Variants in GPC6 observed in about 807,000 individuals in gnomAD.
GPC6 encodes glypican-6.
In GPC6, 14 loss-of-function variants were observed where a neutral mutation model predicts 55.2. That is an observed-to-expected ratio of 0.25 (90% confidence interval 0.17 to 0.40). GPC6 has a LOEUF of 0.40. Ranked by LOEUF, GPC6 falls within the 10% of genes least tolerant of loss-of-function variation. The pLI is 1.00. For missense variants in GPC6, 641 were observed against 708.5 expected (o/e 0.90, Z 1.08); for synonymous variants, 278 against 259.6 (o/e 1.07, Z -0.68).
intron 3 of GPC6, among the ~76,000 whole-genome samples, chr13:93,982,714 TG>T (rs1403517002): frequency 1.3e-5 from 2 of 152,192 alleles, no homozygotes; most frequent in African/African-American, 4.8e-5. Context: ...TCTCAGCTGG[TG>T]GGTCATAAAA....
rs576757683 is a variant in GPC6, at chr13:94,253,723, G to A, written c.878-32626G>A. Among the ~76,000 whole-genome samples, 29 of 152,054 alleles carry A rather than the reference G, an allele frequency of 1.9e-4. No individual in the cohort carries two copies. The South Asian group carries it at 2.7e-3, about 14-fold the overall frequency. On this transcript the variant is annotated intron_variant, in intron 4 of 8. Transcript: ENST00000377047. Reference sequence around the variant, plus strand: ...TAGTCATATTCCCCCTCCAATCTTCGTACAAAAGAAACCCAAGACTAGATC... The same window carrying A: ...TAGTCATATTCCCCCTCCAATCTTCATACAAAAGAAACCCAAGACTAGATC...
At chr13:93,715,552 C>T (rs1883222648) in intron 2 of GPC6, among the ~76,000 whole-genome samples, 1 of 151,506 alleles carries the variant, frequency 6.6e-6, no homozygotes, top group Non-Finnish European at 1.5e-5. Context: ...ATCATTCATA[C>T]CCCAAACTTC....
At chr13:93,280,374 G>A (rs1475923416) in intron 1 of GPC6, among the ~76,000 whole-genome samples, 1 of 152,102 alleles carries the variant, frequency 6.6e-6, no homozygotes, top group Non-Finnish European at 1.5e-5. Context: ...GCCAAATAAT[G>A]TACCTGGTCA....
chr13:94,397,557 T>G (rs1224296380), intron 7 of GPC6, among the ~76,000 whole-genome samples: 1 of 152,192 alleles, frequency 6.6e-6, no homozygotes, highest in Non-Finnish European at 1.5e-5. Context: ...ATCATTCCAG[T>G]AACCACTGCT....
chr13:93,276,518 G>A (rs74835615), intron 1 of GPC6, among the ~76,000 whole-genome samples: 2 of 144,106 alleles, frequency 1.4e-5, no homozygotes, highest in Non-Finnish European at 3.1e-5. Flanking sequence ...GTGTGTGTGT[G>A]TGTGTGTGTA....
chr13:93,575,709 G>A (rs1876631620), intron 2 of GPC6, among the ~76,000 whole-genome samples: 1 of 152,120 alleles, frequency 6.6e-6, no homozygotes, highest in Non-Finnish European at 1.5e-5. Context: ...TTTGAAAGCT[G>A]TATTTAAGTT....
chr13:94,338,655 A>G (rs962362793), intron 6 of GPC6, among the ~76,000 whole-genome samples: 5 of 152,206 alleles, frequency 3.3e-5, no homozygotes, highest in Admixed American at 1.3e-4. Flanking sequence ...GCCATGAATG[A>G]ATATATTCAT....
At chr13:93,792,350 G>T (rs558160909) in intron 2 of GPC6, among the ~76,000 whole-genome samples, 1 of 152,156 alleles carries the variant, frequency 6.6e-6, no homozygotes, top group Non-Finnish European at 1.5e-5. Flanking sequence ...TTGCTCTGTC[G>T]CCCAGGCGGG....
At chr13:93,327,015 T>G (rs1879681824) in intron 1 of GPC6, among the ~76,000 whole-genome samples, 1 of 152,188 alleles carries the variant, frequency 6.6e-6, no homozygotes, top group South Asian at 2.1e-4. Flanking sequence ...TGAGAAGGAA[T>G]CTTCAGCTTC....
chr13:93,748,003 A>G (rs1036371713), intron 2 of GPC6, among the ~76,000 whole-genome samples: 1 of 152,190 alleles, frequency 6.6e-6, no homozygotes, highest in African/African-American at 2.4e-5. Flanking sequence ...ATAATGTAAA[A>G]ACAAAAATGT....
chr13:93,335,767 C>G (rs576982430), intron 1 of GPC6, among the ~76,000 whole-genome samples: 1 of 152,136 alleles, frequency 6.6e-6, no homozygotes, highest in South Asian at 2.1e-4. Flanking sequence ...GAGTTTCTGA[C>G]CTTTGCCTTT....
At chr13:94,074,566 A>G (rs1003788499) in intron 4 of GPC6, among the ~76,000 whole-genome samples, 1 of 152,194 alleles carries the variant, frequency 6.6e-6, no homozygotes, top group African/African-American at 2.4e-5. Context: ...TTGTGTACCC[A>G]TGACTTCAGA....
chr13:93,513,400 C>G (rs557639388), intron 1 of GPC6, among the ~76,000 whole-genome samples: 1 of 152,214 alleles, frequency 6.6e-6, no homozygotes, highest in South Asian at 2.1e-4. Context: ...CAACATAAAC[C>G]TAGCCAAATC....
At chr13:93,746,490 A>C (rs1884404484) in intron 2 of GPC6, among the ~76,000 whole-genome samples, 1 of 152,164 alleles carries the variant, frequency 6.6e-6, no homozygotes, top group African/African-American at 2.4e-5. Context: ...CCACTCAGAG[A>C]ACCCTAGAGC....
intron 4 of GPC6, among the ~76,000 whole-genome samples, chr13:94,256,616 T>C (rs1348222450): frequency 6.6e-6 from 1 of 152,198 alleles, no homozygotes; most frequent in East Asian, 1.9e-4. Flanking sequence ...ACATCTTTCC[T>C]AGTGACATAA....
chr13:93,508,808 G>A (rs1880831060), intron 1 of GPC6, among the ~76,000 whole-genome samples: 1 of 152,162 alleles, frequency 6.6e-6, no homozygotes, highest in African/African-American at 2.4e-5. Flanking sequence ...ATTGCAGGTA[G>A]GGGAGAAAGC....
intron 4 of GPC6, among the ~76,000 whole-genome samples, chr13:94,109,222 G>C (rs1034098750): frequency 6.6e-6 from 1 of 152,188 alleles, no homozygotes; most frequent in Non-Finnish European, 1.5e-5. Flanking sequence ...TGAGTGCCCA[G>C]TGGATGGGTG....
chr13:93,738,822 C>T (rs1219696705), intron 2 of GPC6, among the ~76,000 whole-genome samples: 2 of 152,136 alleles, frequency 1.3e-5, no homozygotes, highest in African/African-American at 4.8e-5. Flanking sequence ...CTATCTGCCA[C>T]TGTAAAGTTC....
At chr13:93,843,406 A>G (rs1404536265) in intron 3 of GPC6, among the ~76,000 whole-genome samples, 1 of 152,136 alleles carries the variant, frequency 6.6e-6, no homozygotes, top group Admixed American at 6.6e-5. Flanking sequence ...AACAGTTTTC[A>G]TTCAAAAGGG....
Sources: gnomAD v4.1 joint callset for allele counts (sites outside exome capture counted in the v4.1 genomes callset) on GRCh38, gnomAD v4.1.1 for gene constraint, MANE v1.5 for transcripts, NCBI Gene and HGNC (gene_info 2026-07-23, HGNC 2026-07-21) for gene names.